The following SLC19A1 variants were observed in gnomAD, a reference collection of about 807,000 sequenced individuals.
The protein encoded by SLC19A1 is solute carrier family 19 member 1, also known as reduced folate transporter.
In SLC19A1, 37 loss-of-function variants were observed where a neutral mutation model predicts 35.3. That is an observed-to-expected ratio of 1.05 (90% CI 0.81 to 1.38). The LOEUF is 1.38. Among genes scored for constraint, SLC19A1 ranks in the 40% most tolerant of loss-of-function variants. The probability of loss-of-function intolerance (pLI) is 0.00; values close to 1 mark genes in which losing one functional copy is unlikely to be tolerated. For missense variants in SLC19A1, 831 were observed against 826.9 expected (o/e 1.00, Z -0.06); for synonymous variants, 460 against 398.5 (o/e 1.15, Z -1.84).
At position 45,532,165 on chromosome 21, in the gene SLC19A1, G is replaced by A. The variant is rs370908918; in HGVS notation, c.190-17C>T. On this transcript the variant is annotated splice_polypyrimidine_tract_variant and intron_variant, in intron 2 of 5. Coordinates refer to ENST00000311124, the MANE Select transcript of SLC19A1 (RefSeq NM_194255.4). ...GTTCGTGACCTGCGGACAGGCGGGC[G>A]TGCGCCCCACCAGGTGTTAGCAATG... is the stretch of plus-strand genomic sequence containing the variant. 57 of 1,569,988 alleles carry A rather than the reference G, an allele frequency of 3.6e-5. No individual in the cohort carries two copies. The African/African-American group carries it at 6.5e-4, about 18-fold the overall frequency.
Position 45,513,322 on chromosome 21 carries a change from A to G in SLC19A1, c.*2336T>C, listed in dbSNP as rs2037717137. 2 of 152,312 alleles carry G rather than the reference A, an allele frequency of 1.3e-5. No homozygotes were observed. Among genetic ancestry groups the G allele is most frequent in the African/African-American group, 2.4e-5 (1 of 41,458 alleles). The allele number at this position is 152,312 out of a possible 1,614,324, so 9.4% of individuals were successfully genotyped here. A position where few individuals can be genotyped will look rare whatever the true frequency, so the allele number is the denominator to read the frequency against. On this transcript the variant is annotated 3_prime_UTR_variant, in exon 6 of 6. Transcript: ENST00000311124. ...ACATGCGGTAGCCAGCACACAGGGC[A>G]GTGAGGGAGGGCTGTCATCTGTGCA...
chr21:45,523,659 G>A (rs2077505368), intron 5 of SLC19A1, among the ~76,000 whole-genome samples: 1 of 152,210 alleles, frequency 6.6e-6, no homozygotes, highest in African/African-American at 2.4e-5. Flanking sequence ...CTGAACAAGA[G>A]GCAGTCACAG....
chr21:45,552,610 G>T (rs2078477337), intron 1 of SLC19A1, among the ~76,000 whole-genome samples: 1 of 152,194 alleles, frequency 6.6e-6, no homozygotes, highest in East Asian at 1.9e-4. Context: ...AGAGCAGACA[G>T]CCTCTCGCCC....
Position 45,534,803 on chromosome 21 carries a change from G to C in SLC19A1, c.190-2655C>G. On this transcript the variant is annotated intron_variant, in intron 2 of 5. Coordinates refer to ENST00000311124, the MANE Select transcript of SLC19A1 (RefSeq NM_194255.4). This position sits in a 1 kb window ranked among gnomAD's most constrained non-coding sequence, Gnocchi z 4.2. ...CACTTACAAGGCTGCTGGGGGAGGG[G>C]CCCTCACAACGGTCCCAGCAGGGAG... The C allele has an allele frequency of 1.7e-6, 1 of 584,518 alleles. No individual in the cohort carries two copies. Among genetic ancestry groups the C allele is most frequent in the East Asian group, 2.9e-5 (1 of 34,512 alleles). The allele number at this position is 584,518 out of a possible 1,614,324, so 36.2% of individuals were successfully genotyped here.
chr21:45,546,355 C>T (rs2078415646), upstream of SLC19A1, among the ~76,000 whole-genome samples: 2 of 152,266 alleles, frequency 1.3e-5, no homozygotes, highest in South Asian at 2.1e-4. Flanking sequence ...CACAGCCCCA[C>T]AGCAGTGGGG....
intron 5 of SLC19A1, among the ~76,000 whole-genome samples, chr21:45,521,679 G>C (rs2077442521): frequency 6.6e-6 from 1 of 152,174 alleles, no homozygotes; most frequent in Non-Finnish European, 1.5e-5. Context: ...ATAGTTCAAT[G>C]GAACAGGATA....
At chr21:45,511,684 G>A (rs528204946), downstream of SLC19A1, among the ~76,000 whole-genome samples, 8 of 152,244 alleles carry the variant, frequency 5.3e-5, no homozygotes, top group East Asian at 3.9e-4. Flanking sequence ...CGTGAGCGCC[G>A]CGATTCTTCC....
intron 2 of SLC19A1, among the ~76,000 whole-genome samples, chr21:45,536,812 C>A (rs1259052242): frequency 6.6e-6 from 1 of 152,078 alleles, no homozygotes. Flanking sequence ...AGGCCCAGGG[C>A]CCTGGGATGG....
At chr21:45,538,622 A>G (rs2078210440) in intron 1 of SLC19A1, among the ~76,000 whole-genome samples, 1 of 152,206 alleles carries the variant, frequency 6.6e-6, no homozygotes, top group South Asian at 2.1e-4. Context: ...CAGTGAGGGA[A>G]GGGCAGAGGG....
rs146206934 is a variant in SLC19A1, at chr21:45,512,746, C to T, written c.*2912G>A. 1.6e-5 allele frequency: 6 copies of T among 383,558 alleles called. No individual in the cohort carries two copies. Among genetic ancestry groups the T allele is most frequent in the East Asian group, 6.3e-5 (1 of 15,778 alleles). 23.8% of individuals were successfully genotyped at this position (383,558 alleles called of 1,614,324 possible). On this transcript the variant is annotated 3_prime_UTR_variant, in exon 6 of 6. Coordinates refer to ENST00000311124, the MANE Select transcript of SLC19A1 (RefSeq NM_194255.4). The stretch of plus-strand genomic sequence containing the variant: ...ATTTCCTGCTTTGGGAAGCCGTGCT[C>T]GCCCCAGCAGGTGCTGACTTCATCT...
At chr21:45,560,095 C>T (rs530907877) in intron 1 of SLC19A1, among the ~76,000 whole-genome samples, 18 of 151,804 alleles carry the variant, frequency 1.2e-4, no homozygotes, top group Non-Finnish European at 2.2e-4. Flanking sequence ...GTGGCTAGAA[C>T]GTGGGCATAG....
chr21:45,521,039 C>T (rs991989670), intron 5 of SLC19A1, among the ~76,000 whole-genome samples: 9 of 147,412 alleles, frequency 6.1e-5, no homozygotes, highest in East Asian at 2.0e-4. Context: ...AAAAAACAAA[C>T]GAAAAAAAGA....
At position 45,537,758 on chromosome 21, in the gene SLC19A1, G is replaced by A. The variant is rs773448318; in HGVS notation, c.189+13C>T. The A allele has an allele frequency of 3.9e-5, 23 of 586,154 alleles. No individual in the cohort carries two copies. Among genetic ancestry groups the A allele is most frequent in the African/African-American group, 1.6e-4 (4 of 25,394 alleles). The allele number at this position is 586,154 out of a possible 1,614,324, so 36.3% of individuals were successfully genotyped here. A position where few individuals can be genotyped will look rare whatever the true frequency, so the allele number is the denominator to read the frequency against. On this transcript the variant is annotated intron_variant, in intron 2 of 5. Transcript: ENST00000311124. Reference sequence around the variant, plus strand: ...CCCACAGGCGGCCGCCCGGCACCCCGGCACCCACATGCCTGCTCCCGCGTG... The same window carrying A: ...CCCACAGGCGGCCGCCCGGCACCCCAGCACCCACATGCCTGCTCCCGCGTG...
At chr21:45,509,705 G>A, downstream of SLC19A1, 1 of 771,626 alleles carries the variant, frequency 1.3e-6, no homozygotes, top group Non-Finnish European at 2.2e-6. Context: ...CCAGGCTTCG[G>A]CCATGGGTGG....
At chr21:45,506,090 T>TA in intron 3 of SLC19A1, 1 of 1,457,150 alleles carries the variant, frequency 6.9e-7, no homozygotes, top group Admixed American at 1.7e-5. Flanking sequence ...CAGCGCTTCT[T>TA]AAACTTTCAA....
chr21:45,512,266 G>C, downstream of SLC19A1: 1 of 1,611,874 alleles, frequency 6.2e-7, no homozygotes, highest in African/African-American at 1.3e-5. Context: ...CGTGGCGGAC[G>C]GAGGCTCCCT....
chr21:45,505,762 A>G, intron 3 of SLC19A1: 1 of 1,177,174 alleles, frequency 8.5e-7, no homozygotes, highest in South Asian at 1.3e-5. Flanking sequence ...GCACCCTGAA[A>G]CGGGCATTCC....
Position 45,540,673 on chromosome 21 carries a change from C to G in SLC19A1, c.-50+1695G>C, listed in dbSNP as rs747794648. Among the ~76,000 whole-genome samples, 2 of 152,200 alleles carry G rather than the reference C, an allele frequency of 1.3e-5. No homozygotes were observed. The highest frequency in any genetic ancestry group is 2.9e-5 in the Non-Finnish European group (2 of 68,040). On this transcript the variant is annotated intron_variant, in intron 1 of 5. Transcript: ENST00000311124. This position sits in a 1 kb window ranked among gnomAD's most constrained non-coding sequence, Gnocchi z 5.5. ...ACCATCATAGAAACGCAGCCCCAAG[C>G]CAGGGGACGCCTAGACTCCAAGTGT...
rs9282854 is a variant in SLC19A1, at chr21:45,531,552, C to T, written c.786G>A (p.Leu262=). Residue 262 remains leucine (L), a synonymous_variant, in exon 3 of 6, where the codon CTG becomes CTA. Coordinates refer to ENST00000311124, the MANE Select transcript of SLC19A1 (RefSeq NM_194255.4). ...ACCACAGGCGCAGCTGCGGCCGCCG[C>T]AGGCTGTCCCCCAGCTCCCGCAGCA... is the stretch of plus-strand genomic sequence containing the variant. ...ARMLRELGDS[L]RRPQLRLWSL... is the part of the protein sequence containing the mutation. 8.2e-5 allele frequency: 133 copies of T among 1,612,328 alleles called. No homozygotes were observed. The African/African-American group carries it at 1.6e-3, about 19-fold the overall frequency.
Sources: gnomAD v4.1 joint callset for allele counts (sites outside exome capture counted in the v4.1 genomes callset) on GRCh38, gnomAD v4.1.1 for gene constraint, Gnocchi (gnomAD v3.1) non-coding constraint, MANE v1.5 for transcripts, NCBI Gene and HGNC (gene_info 2026-07-23, HGNC 2026-07-21) for gene names.